Variants in ATF7IP observed in about 807,000 individuals in gnomAD.
ATF7IP encodes activating transcription factor 7-interacting protein 1.
In ATF7IP, 23 loss-of-function variants were observed where a neutral mutation model predicts 106.4. The observed-to-expected ratio is 0.22, with a 90% confidence interval of 0.16 to 0.31. ATF7IP has a LOEUF of 0.31. Among genes scored for constraint, ATF7IP ranks in the 10% least tolerant of loss-of-function variants. ATF7IP has a pLI of 1.00. For missense variants in ATF7IP, 1,334 were observed against 1,524.3 expected (o/e 0.88, Z 2.08); for synonymous variants, 542 against 539.0 (o/e 1.01, Z -0.08).
intron 13 of ATF7IP, among the ~76,000 whole-genome samples, chr12:14,484,871 C>G (rs1256097713): frequency 6.6e-6 from 1 of 152,098 alleles, no homozygotes; most frequent in Admixed American, 6.5e-5. Flanking sequence ...CTAAATGGGT[C>G]AGAAAGCACC....
At position 14,492,860 on chromosome 12, in the gene ATF7IP, C is replaced by T. The variant is rs542330738; in HGVS notation, c.3281-3371C>T. ...CGCTGTTAGATCTGACATATAGAGT[C>T]GAGCAATTAGAGGGCTCTTCAGAGA... On this transcript the variant is annotated intron_variant, in intron 13 of 14. Transcript: ENST00000261168. Among the ~76,000 whole-genome samples the T allele has an allele frequency of 1.9e-4, 27 of 145,874 alleles. 1 individual carries two copies. In the South Asian group the frequency reaches 4.0e-3, roughly 22 times the overall value.
Position 14,423,910 on chromosome 12 carries a change from T to A in ATF7IP, c.-6T>A. On this transcript the variant is annotated splice_region_variant and 5_prime_UTR_variant, in exon 2 of 15. Transcript: ENST00000261168. ...CTCTCTTTCTCTTTTTTCTTAAAGA[T>A]TCAGAATGGACAGTTTAGAAGAACC... 1 of 1,570,834 alleles carries A rather than the reference T, an allele frequency of 6.4e-7. No homozygotes were observed. Among genetic ancestry groups the A allele is most frequent in the East Asian group, 2.2e-5 (1 of 44,524 alleles).
At chr12:14,443,813 A>G (rs1339223378) in intron 5 of ATF7IP, among the ~76,000 whole-genome samples, 1 of 152,194 alleles carries the variant, frequency 6.6e-6, no homozygotes, top group Non-Finnish European at 1.5e-5. Flanking sequence ...GAAGAAGGAA[A>G]TATAGCAACT....
intron 4 of ATF7IP, among the ~76,000 whole-genome samples, chr12:14,437,890 A>G (rs1942482722): frequency 6.6e-6 from 1 of 151,924 alleles, no homozygotes; most frequent in East Asian, 1.9e-4. Flanking sequence ...CGTCTCTACT[A>G]AAAATACAAA....
intron 1 of ATF7IP, among the ~76,000 whole-genome samples, chr12:14,371,389 C>T (rs1938528157): frequency 6.6e-6 from 1 of 151,942 alleles, no homozygotes. Flanking sequence ...TGAAAAATCC[C>T]TGCCTTTGGG....
At chr12:14,476,706 C>A (rs7132189) in intron 11 of ATF7IP, among the ~76,000 whole-genome samples, 3 of 152,124 alleles carry the variant, frequency 2.0e-5, no homozygotes, top group Non-Finnish European at 4.4e-5. Flanking sequence ...TGTTTCAGTG[C>A]AGATACTGTA....
At chr12:14,487,976 C>T (rs1565554853) in intron 13 of ATF7IP, among the ~76,000 whole-genome samples, 1 of 152,144 alleles carries the variant, frequency 6.6e-6, no homozygotes, top group East Asian at 1.9e-4. Context: ...GCATAACTCT[C>T]TAAACAGTTC....
chr12:14,455,092 C>T (rs1482315177), intron 6 of ATF7IP, among the ~76,000 whole-genome samples: 15 of 151,402 alleles, frequency 9.9e-5, no homozygotes, highest in Admixed American at 1.3e-4. Context: ...GCAGGAGAAT[C>T]GCTTGAGCCT....
intron 1 of ATF7IP, among the ~76,000 whole-genome samples, chr12:14,390,821 T>C (rs965599344): frequency 5.3e-5 from 8 of 152,272 alleles, no homozygotes; most frequent in Non-Finnish European, 1.0e-4. Context: ...TGATGATGCA[T>C]GAAACATGAT....
chr12:14,494,287 A>ATT, intron 13 of ATF7IP, among the ~76,000 whole-genome samples: 1 of 13,218 alleles, frequency 7.6e-5, no homozygotes, highest in Non-Finnish European at 1.3e-4. Flanking sequence ...CTAATAGAAT[A>ATT]TATATATATA....
chr12:14,380,861 C>A (rs921870454), intron 1 of ATF7IP, among the ~76,000 whole-genome samples: 1 of 152,168 alleles, frequency 6.6e-6, no homozygotes, highest in Non-Finnish European at 1.5e-5. Flanking sequence ...TTCAGGTGAT[C>A]CACCTCCCTT....
intron 5 of ATF7IP, among the ~76,000 whole-genome samples, chr12:14,441,200 G>A (rs1247300505): frequency 2.0e-5 from 3 of 152,182 alleles, no homozygotes; most frequent in African/African-American, 7.2e-5. Flanking sequence ...CACCAGCAAT[G>A]TATGAGGGTT....
rs771893174 is a variant in ATF7IP at position 14,424,269 on chromosome 12, T to C, written c.354T>C (p.Thr118=). The C allele has an allele frequency of 1.2e-6, 2 of 1,614,190 alleles. No homozygotes were observed. The highest frequency in any genetic ancestry group is 1.7e-6 in the Non-Finnish European group (2 of 1,180,038). Residue 118 remains threonine, a synonymous_variant, in exon 2 of 15, where the codon ACT becomes ACC. Transcript: ENST00000261168. Reference sequence around the variant, plus strand: ...AACCTTTGTCTCCCCATAATATAACTCCAGAACCAGTCTCTAAACTGCCTG... The same window carrying C: ...AACCTTTGTCTCCCCATAATATAACCCCAGAACCAGTCTCTAAACTGCCTG... The part of the protein sequence containing the change: ...NCEPLSPHNI[T]PEPVSKLPAE...
At chr12:14,459,825 C>T (rs1182057287) in intron 8 of ATF7IP, among the ~76,000 whole-genome samples, 1 of 152,112 alleles carries the variant, frequency 6.6e-6, no homozygotes, top group African/African-American at 2.4e-5. Flanking sequence ...AACTAGTGAC[C>T]AGCATTTGTA....
intron 1 of ATF7IP, among the ~76,000 whole-genome samples, chr12:14,390,237 CTACTT>C (rs1939471420): frequency 6.6e-6 from 1 of 152,110 alleles, no homozygotes. Flanking sequence ...AAAATTTAGC[CTACTT>C]TACTTGGTAG....
In ATF7IP at chr12:14,498,265, A is replaced by C. The variant is rs1945070806; in HGVS notation, c.*192A>C. 1.8e-6 allele frequency: 1 copy of C among 549,858 alleles called. No homozygotes were observed. Among genetic ancestry groups the C allele is most frequent in the African/African-American group, 1.9e-5 (1 of 52,868 alleles). 34.1% of individuals were successfully genotyped at this position (549,858 alleles called of 1,614,324 possible). On this transcript the variant is annotated 3_prime_UTR_variant, in exon 15 of 15. Coordinates refer to ENST00000261168, the MANE Select transcript of ATF7IP (RefSeq NM_018179.5). Reference sequence around the variant, plus strand: ...ACAAAGCTAGAATCTTTTCCTGGACAGTTTAGGCTTTGGGGTTTGGAAATG... The same window carrying C: ...ACAAAGCTAGAATCTTTTCCTGGACCGTTTAGGCTTTGGGGTTTGGAAATG...
At chr12:14,444,804 G>T (rs1942870312) in intron 5 of ATF7IP, among the ~76,000 whole-genome samples, 1 of 152,008 alleles carries the variant, frequency 6.6e-6, no homozygotes, top group Non-Finnish European at 1.5e-5. Flanking sequence ...GTGAAAATGA[G>T]GTCCTTAGTT....
intron 11 of ATF7IP, among the ~76,000 whole-genome samples, chr12:14,478,107 T>A (rs577167075): frequency 2.3e-4 from 35 of 152,328 alleles, no homozygotes; most frequent in African/African-American, 7.9e-4. Flanking sequence ...AATTTGAATC[T>A]GTGATAGAAC....
intron 5 of ATF7IP, among the ~76,000 whole-genome samples, chr12:14,442,720 C>T (rs561872638): frequency 6.6e-6 from 1 of 152,274 alleles, no homozygotes; most frequent in African/African-American, 2.4e-5. Context: ...TTCTATTGGT[C>T]TGATAAATCT....
Sources: allele counts gnomAD v4.1 joint callset (sites outside exome capture counted in the v4.1 genomes callset), GRCh38; gene constraint gnomAD v4.1.1; transcripts MANE v1.5; gene names NCBI Gene and HGNC (gene_info 2026-07-23, HGNC 2026-07-21).